ECHDC1: variants seen among roughly 807,000 people sequenced by gnomAD.
ECHDC1 encodes the protein ethylmalonyl-CoA decarboxylase 1.
In ECHDC1, 29 loss-of-function variants were observed where a neutral mutation model predicts 29.7. The observed-to-expected ratio is 0.98, with a 90% confidence interval of 0.73 to 1.33. The LOEUF (loss-of-function observed/expected upper bound fraction) is 1.33. ECHDC1 is among the 40% of genes most tolerant of loss of function. The pLI, the probability that ECHDC1 is intolerant of heterozygous loss-of-function variation, is 0.00. For synonymous variants in ECHDC1, 126 were observed against 123.1 expected (o/e 1.02, Z -0.15); for missense variants, 328 against 350.0 (o/e 0.94, Z 0.50).
At chr6:127,338,709 C>T (rs1658377532) in intron 1 of ECHDC1, among the ~76,000 whole-genome samples, 1 of 152,064 alleles carries the variant, frequency 6.6e-6, no homozygotes, top group South Asian at 2.1e-4. Context: ...TGAAACAGTG[C>T]AATACTAGTG....
intron 3 of ECHDC1, among the ~76,000 whole-genome samples, chr6:127,324,691 G>A (rs1312373364): frequency 6.6e-6 from 1 of 152,042 alleles, no homozygotes; most frequent in Non-Finnish European, 1.5e-5. Flanking sequence ...AGAAAGTAAG[G>A]GAGTACTCAA....
At chr6:127,305,232 T>C (rs965992309) in intron 5 of ECHDC1, among the ~76,000 whole-genome samples, 2 of 152,170 alleles carry the variant, frequency 1.3e-5, no homozygotes, top group African/African-American at 2.4e-5. Context: ...GAGAAGACTT[T>C]TCAGTGAAAA....
intron 5 of ECHDC1, among the ~76,000 whole-genome samples, chr6:127,290,678 A>C (rs887651090): frequency 6.6e-6 from 1 of 152,040 alleles, no homozygotes; most frequent in African/African-American, 2.4e-5. Context: ...CTTAGTGGGG[A>C]AAAATGCTTT....
At position 127,316,471 on chromosome 6, in the gene ECHDC1, T is replaced by C; in HGVS notation, c.395A>G (p.Asn132Ser). ...TTACCTCATAAATCTTGTTAAGGTGTTTTGCATGAACATGCATACGGCCAT... is the reference window on the plus strand; with the variant it reads ...TTACCTCATAAATCTTGTTAAGGTGCTTTGCATGAACATGCATACGGCCAT... ...DGMAVCMFMQ[N>S]TLTRFMRLPL... is the part of the protein sequence containing the mutation. Residue 132 changes from asparagine (N) to serine (S), a missense_variant, in exon 4 of 6, where the codon AAC becomes AGC. Asn to Ser is a conservative substitution (Grantham distance 46). Coordinates refer to ENST00000454859, the MANE Select transcript of ECHDC1 (RefSeq NM_001002030.2). 2 of 1,606,796 alleles carry C rather than the reference T, an allele frequency of 1.2e-6. No homozygotes were observed. Among genetic ancestry groups the C allele is most frequent in the South Asian group, 1.1e-5 (1 of 89,184 alleles).
At position 127,316,431 on chromosome 6, in the gene ECHDC1, A is replaced by T. The variant is rs751870657; in HGVS notation, c.416+19T>A. 3.8e-6 allele frequency: 6 copies of T among 1,589,682 alleles called. No individual in the cohort carries two copies. In the Admixed American group the frequency reaches 7.2e-5, roughly 19 times the overall value. ...TTTGGTCTTTTAGAAATCATATTTT[A>T]AAAAGAAGGCTGCATTACCTCATAA... On this transcript the variant is annotated intron_variant, in intron 4 of 5. Transcript: ENST00000454859.
At chr6:127,326,024 C>T (rs1783298698) in intron 3 of ECHDC1, among the ~76,000 whole-genome samples, 1 of 152,038 alleles carries the variant, frequency 6.6e-6, no homozygotes, top group South Asian at 2.1e-4. Flanking sequence ...TTTTAGATTC[C>T]ATATATAAAT....
At chr6:127,310,617 G>A (rs1172045104) in intron 5 of ECHDC1, among the ~76,000 whole-genome samples, 1 of 152,158 alleles carries the variant, frequency 6.6e-6, no homozygotes, top group Non-Finnish European at 1.5e-5. Flanking sequence ...AAAATATGTG[G>A]TTTCTTAAGA....
intron 3 of ECHDC1, among the ~76,000 whole-genome samples, chr6:127,321,876 G>A (rs1168380989): frequency 2.6e-5 from 4 of 152,040 alleles, no homozygotes; most frequent in South Asian, 2.1e-4. Flanking sequence ...GGTGGCGGGT[G>A]TCTGTAATCC....
intron 5 of ECHDC1, among the ~76,000 whole-genome samples, chr6:127,308,141 C>A (rs955966949): frequency 1.3e-5 from 2 of 152,124 alleles, no homozygotes; most frequent in African/African-American, 2.4e-5. Context: ...CTTCCGAACT[C>A]ATTCTGTGAG....
intron 5 of ECHDC1, among the ~76,000 whole-genome samples, chr6:127,309,526 CACACACACACAG>C (rs1163427141): frequency 5.5e-5 from 3 of 54,710 alleles, no homozygotes; most frequent in South Asian, 5.3e-4. Flanking sequence ...CACACACACA[CACACACACACAG>C]GAAAAAATAG....
intron 2 of ECHDC1, among the ~76,000 whole-genome samples, chr6:127,327,674 C>T (rs371375336): frequency 1.3e-5 from 2 of 151,822 alleles, no homozygotes; most frequent in South Asian, 2.1e-4. Context: ...TAATAAATAC[C>T]ATCTTGTTCC....
At chr6:127,297,026 GA>G (rs1245489531) in intron 5 of ECHDC1, among the ~76,000 whole-genome samples, 1 of 151,550 alleles carries the variant, frequency 6.6e-6, no homozygotes, top group Admixed American at 6.6e-5. Context: ...AAAAAAAAGA[GA>G]AAAAAAAGAA....
chr6:127,319,139 AG>A (rs1483385978), intron 3 of ECHDC1, among the ~76,000 whole-genome samples: 2 of 152,202 alleles, frequency 1.3e-5, no homozygotes, highest in Non-Finnish European at 1.5e-5. Context: ...AAAAGACAAA[AG>A]GCACGCTAAA....
chr6:127,296,904 C>T (rs11154392), intron 5 of ECHDC1, among the ~76,000 whole-genome samples: 2 of 151,970 alleles, frequency 1.3e-5, no homozygotes, highest in African/African-American at 2.4e-5. Flanking sequence ...ACTCCGGAGG[C>T]TGAGGTGGGA....
At chr6:127,328,316 AT>A in intron 2 of ECHDC1, among the ~76,000 whole-genome samples, 1 of 152,180 alleles carries the variant, frequency 6.6e-6, no homozygotes, top group East Asian at 1.9e-4. Flanking sequence ...CCTAGTAACC[AT>A]CATAGCCATT....
intron 3 of ECHDC1, among the ~76,000 whole-genome samples, chr6:127,323,639 G>C (rs1326616030): frequency 6.6e-6 from 1 of 152,076 alleles, no homozygotes; most frequent in Non-Finnish European, 1.5e-5. Context: ...ATTGAAACCA[G>C]CTTTCAAATC....
intron 3 of ECHDC1, among the ~76,000 whole-genome samples, chr6:127,323,271 G>T (rs182467295): frequency 2.0e-4 from 30 of 152,094 alleles, no homozygotes; most frequent in African/African-American, 7.2e-4. Context: ...TACTCAACCC[G>T]TATAATCAAA....
Position 127,330,806 on chromosome 6 carries a change from T to C in ECHDC1, c.220+3A>G, listed in dbSNP as rs765732226. 1.2e-6 allele frequency: 2 copies of C among 1,610,564 alleles called. No individual in the cohort carries two copies. The highest frequency in any genetic ancestry group is 1.3e-5 in the African/African-American group (1 of 74,846). ...TCTTTAGGAATAAAAAGATCCCTAA[T>C]ACCTGAAAAGGCATTCATTCTACTT... On this transcript the variant is annotated splice_donor_region_variant and intron_variant, in intron 2 of 5. Coordinates refer to ENST00000454859, the MANE Select transcript of ECHDC1 (RefSeq NM_001002030.2).
intron 1 of ECHDC1, among the ~76,000 whole-genome samples, chr6:127,335,819 A>G (rs9388562): frequency 0.13 from 19,890 of 152,102 alleles, 2,557 homozygotes; most frequent in East Asian, 0.56. Flanking sequence ...AGTATTTTCA[A>G]TACTTTAATG....
Sources: gnomAD v4.1 joint callset for allele counts (sites outside exome capture counted in the v4.1 genomes callset) on GRCh38, gnomAD v4.1.1 for gene constraint, MANE v1.5 for transcripts, NCBI Gene and HGNC (gene_info 2026-07-23, HGNC 2026-07-21) for gene names.